The following GMDS variants were observed in gnomAD, a reference collection of about 807,000 sequenced individuals.
GMDS encodes GDP-mannose 4,6 dehydratase.
GMDS carries 20 observed loss-of-function variants against 49.9 expected under a neutral mutation model. That is an observed-to-expected ratio of 0.40 (90% CI 0.28 to 0.58). The LOEUF is 0.58. GMDS is among the 20% of genes least tolerant of loss of function. The pLI, the probability that GMDS is intolerant of heterozygous loss-of-function variation, is 0.42. For synonymous variants in GMDS, 177 were observed against 178.6 expected (o/e 0.99, Z 0.07); for missense variants, 362 against 481.4 (o/e 0.75, Z 2.32).
chr6:1,624,610 G>A (rs1043142921), intron 9 of GMDS, 70 bp from the exon 10 acceptor site: 7 of 1,081,716 alleles, frequency 6.5e-6, no homozygotes, highest in Admixed American at 3.8e-5. Flanking sequence ...CCCGAGCCCC[G>A]GGAACTCCCA....
chr6:1,818,608 C>CAAAA (rs564065617), intron 7 of GMDS, among the ~76,000 whole-genome samples: 1 of 49,272 alleles, frequency 2.0e-5, no homozygotes. Context: ...GACTTCATCT[C>CAAAA]AAAAAAAAAA....
intron 7 of GMDS, among the ~76,000 whole-genome samples, chr6:1,828,679 C>G (rs1771231440): frequency 6.6e-6 from 1 of 152,124 alleles, no homozygotes; most frequent in South Asian, 2.1e-4. Context: ...ACCAAGAATT[C>G]TATATTTAGC....
At chr6:2,180,450 A>T (rs1397427653) in intron 1 of GMDS, among the ~76,000 whole-genome samples, 1 of 152,244 alleles carries the variant, frequency 6.6e-6, no homozygotes, top group Non-Finnish European at 1.5e-5. Context: ...TAAGAAAAAA[A>T]TGGTTAGCAA....
At position 1,953,753 on chromosome 6, in the gene GMDS, A is replaced by T. The variant is rs186349269; in HGVS notation, c.643+6114T>A. 5.0e-4 allele frequency among the ~76,000 whole-genome samples: 76 copies of T among 152,320 alleles called. No homozygotes were observed. In the East Asian group the frequency reaches 0.013, roughly 27 times the overall value. ...TCCAATTTATAGCATAATCTTTAAGAGTAGATTTTATTACTGGTAAATAAC... is the reference window on the plus strand; with the variant it reads ...TCCAATTTATAGCATAATCTTTAAGTGTAGATTTTATTACTGGTAAATAAC... On this transcript the variant is annotated intron_variant, in intron 6 of 10. Transcript: ENST00000380815.
intron 4 of GMDS, among the ~76,000 whole-genome samples, chr6:2,093,647 A>G (rs1773440657): frequency 6.6e-6 from 1 of 152,168 alleles, no homozygotes; most frequent in Non-Finnish European, 1.5e-5. Context: ...TTACACAGCC[A>G]ATGAAATGTT....
chr6:2,203,466 G>A (rs1216071313), intron 1 of GMDS, among the ~76,000 whole-genome samples: 1 of 151,982 alleles, frequency 6.6e-6, no homozygotes, highest in East Asian at 1.9e-4. Context: ...TTATGATGGA[G>A]TTCCTGTTAT....
intron 4 of GMDS, among the ~76,000 whole-genome samples, chr6:2,009,685 G>A (rs1256147127): frequency 2.0e-5 from 3 of 152,136 alleles, no homozygotes; most frequent in Non-Finnish European, 4.4e-5. Flanking sequence ...AGGAACAAAG[G>A]AGATGAAAAC....
At chr6:1,754,729 C>T (rs1357919212) in intron 7 of GMDS, among the ~76,000 whole-genome samples, 1 of 152,152 alleles carries the variant, frequency 6.6e-6, no homozygotes, top group Non-Finnish European at 1.5e-5. Context: ...TCAACATACA[C>T]AAATCAATAA....
At chr6:2,164,987 G>A (rs1324490328) in intron 1 of GMDS, among the ~76,000 whole-genome samples, 1 of 152,174 alleles carries the variant, frequency 6.6e-6, no homozygotes, top group Non-Finnish European at 1.5e-5. Context: ...GGTTGGTTAG[G>A]AGTATCCAAT....
intron 4 of GMDS, among the ~76,000 whole-genome samples, chr6:2,063,753 T>A (rs1197243662): frequency 6.6e-6 from 1 of 152,172 alleles, no homozygotes; most frequent in Non-Finnish European, 1.5e-5. Context: ...CAGCCCTAAA[T>A]AATATCCCAC....
intron 6 of GMDS, chr6:1,930,727 A>C (rs1762250065): frequency 6.6e-6 from 1 of 152,302 alleles, no homozygotes; most frequent in Non-Finnish European, 1.5e-5. Context: ...CAGGGTAACT[A>C]GTTAAAGGAA....
intron 7 of GMDS, among the ~76,000 whole-genome samples, chr6:1,913,164 G>A (rs9503045): frequency 0.01 from 1,594 of 151,906 alleles, 32 homozygotes; most frequent in African/African-American, 0.036. Flanking sequence ...GGCGGATCAC[G>A]AGGTCAGGAG....
intron 9 of GMDS, among the ~76,000 whole-genome samples, chr6:1,713,476 G>A (rs1204990571): frequency 3.4e-5 from 5 of 148,172 alleles, no homozygotes; most frequent in Non-Finnish European, 7.5e-5. Context: ...GCCCACCCCC[G>A]CCAGCTGAAA....
At chr6:1,680,812 GC>G (rs1203209641) in intron 9 of GMDS, among the ~76,000 whole-genome samples, 3 of 152,202 alleles carry the variant, frequency 2.0e-5, no homozygotes, top group Non-Finnish European at 4.4e-5. Flanking sequence ...AGGGCCTGGT[GC>G]CTGGTGGATG....
At chr6:1,997,133 G>A (rs1766331497) in intron 4 of GMDS, among the ~76,000 whole-genome samples, 1 of 151,922 alleles carries the variant, frequency 6.6e-6, no homozygotes, top group Non-Finnish European at 1.5e-5. Context: ...GGAAGGTGCT[G>A]GCAGATAGCA....
At chr6:1,999,942 A>ATAT (rs1172894275) in intron 4 of GMDS, among the ~76,000 whole-genome samples, 1 of 52,394 alleles carries the variant, frequency 1.9e-5, no homozygotes, top group African/African-American at 6.4e-5. Context: ...TATTATATAT[A>ATAT]ATATATAATA....
At chr6:1,943,888 G>A (rs910337697) in intron 6 of GMDS, among the ~76,000 whole-genome samples, 7 of 151,764 alleles carry the variant, frequency 4.6e-5, no homozygotes, top group Non-Finnish European at 7.4e-5. Context: ...TGTTGTGACA[G>A]AGAGAGTATC....
At chr6:2,141,472 T>C (rs1776283095) in intron 1 of GMDS, among the ~76,000 whole-genome samples, 1 of 152,210 alleles carries the variant, frequency 6.6e-6, no homozygotes, top group Non-Finnish European at 1.5e-5. Context: ...ATAACCTGCG[T>C]AGCACAGGCA....
intron 9 of GMDS, chr6:1,624,772 A>G (rs1215235148): frequency 3.0e-6 from 1 of 331,744 alleles, no homozygotes; most frequent in Admixed American, 5.5e-5. Flanking sequence ...ACCGCGATCC[A>G]CCCCCAGCTA....
Sources: gnomAD v4.1 joint callset for allele counts (sites outside exome capture counted in the v4.1 genomes callset) on GRCh38, gnomAD v4.1.1 for gene constraint, MANE v1.5 for transcripts, NCBI Gene and HGNC (gene_info 2026-07-23, HGNC 2026-07-21) for gene names.